The following PDE2A variants were observed in gnomAD, a reference collection of about 807,000 sequenced individuals.
PDE2A encodes the protein cGMP-dependent 3',5'-cyclic phosphodiesterase.
A neutral mutation model predicts 133.6 loss-of-function variants in PDE2A; 53 were observed. The ratio of observed to expected loss-of-function variants is 0.40; its 90% CI spans 0.32 to 0.50. The LOEUF (loss-of-function observed/expected upper bound fraction) is 0.50, where lower values mean the gene tolerates loss of function less well. Among genes scored for constraint, PDE2A ranks in the 20% least tolerant of loss-of-function variants. The pLI is 0.73. For synonymous variants in PDE2A, 491 were observed against 490.2 expected (o/e 1.00, Z -0.02); for missense variants, 796 against 1,232.4 (o/e 0.65, Z 5.30).
chr11:72,647,017 C>T (rs962259292), intron 1 of PDE2A, among the ~76,000 whole-genome samples: 1 of 152,158 alleles, frequency 6.6e-6, no homozygotes, highest in Non-Finnish European at 1.5e-5. Flanking sequence ...TCACCTATCC[C>T]CAGCCCTCCC....
At chr11:72,605,260 G>C (rs1309101546) in intron 3 of PDE2A, 34 bp from the exon 4 acceptor site, 37 of 1,431,240 alleles carry the variant, frequency 2.6e-5, no homozygotes, top group Non-Finnish European at 3.4e-5. Context: ...ACCCTGTGGA[G>C]AGGCCCTCCC....
chr11:72,595,715 G>A (rs908583492), intron 6 of PDE2A, among the ~76,000 whole-genome samples: 13 of 151,974 alleles, frequency 8.6e-5, no homozygotes, highest in Non-Finnish European at 1.3e-4. Context: ...CAGCCCCCTC[G>A]ACAGAAGCAG....
chr11:72,632,931 A>T (rs1047406796), intron 2 of PDE2A, among the ~76,000 whole-genome samples: 5 of 152,008 alleles, frequency 3.3e-5, no homozygotes, highest in African/African-American at 1.2e-4. Context: ...AGTGCCTAGG[A>T]TGAGGGGATT....
At chr11:72,635,624 C>T (rs933256754) in intron 2 of PDE2A, among the ~76,000 whole-genome samples, 1 of 152,210 alleles carries the variant, frequency 6.6e-6, no homozygotes, top group Non-Finnish European at 1.5e-5. Context: ...TCCAGATTCT[C>T]AAAATCCTAT....
In PDE2A at chr11:72,590,362, C is replaced by G; in HGVS notation, c.703+65G>C. 2 of 1,545,284 alleles carry G rather than the reference C, an allele frequency of 1.3e-6. No individual in the cohort carries two copies. The highest frequency in any genetic ancestry group is 3.9e-5 in the Admixed American group (2 of 51,138). ...CGCCGGCTCCCGGGATCGCCTAACC[C>G]GCCCACCTCCCCTCCAAGTTCTGCC... On this transcript the variant is annotated intron_variant, in intron 8 of 30. Coordinates refer to ENST00000334456, the MANE Select transcript of PDE2A (RefSeq NM_002599.5). The surrounding 1 kb of genome is among the most constrained non-coding windows in gnomAD (Gnocchi z 4.8).
intron 2 of PDE2A, among the ~76,000 whole-genome samples, chr11:72,638,357 G>T (rs1366116931): frequency 2.6e-5 from 4 of 152,212 alleles, no homozygotes; most frequent in Admixed American, 2.6e-4. Context: ...GTCACTTGAT[G>T]ATAGGTGTGA....
At chr11:72,631,517 T>C (rs1027728044) in intron 2 of PDE2A, among the ~76,000 whole-genome samples, 9 of 152,318 alleles carry the variant, frequency 5.9e-5, no homozygotes, top group African/African-American at 2.2e-4. Flanking sequence ...GGATCCGTAA[T>C]GTCCACCTCA....
intron 26 of PDE2A, 26 bp downstream of exon 26, chr11:72,579,508 C>CCCCA: frequency 8.0e-7 from 1 of 1,243,456 alleles, no homozygotes; most frequent in Non-Finnish European, 1.2e-6. Context: ...CCCCCTCAAT[C>CCCCA]CCCACCCCAC....
At chr11:72,652,676 CA>C (rs775530670) in intron 1 of PDE2A, 4 of 456,150 alleles carry the variant, frequency 8.8e-6, no homozygotes, top group South Asian at 3.1e-5. Flanking sequence ...CCCAATTTTA[CA>C]GTTGATGAAA....
rs1855454242 is a variant in PDE2A at position 72,674,313 on chromosome 11, A to G, written c.-106T>C. The G allele has an allele frequency of 7.1e-6, 8 of 1,124,398 alleles. No individual in the cohort carries two copies. Among genetic ancestry groups the G allele is most frequent in the Non-Finnish European group, 1.0e-5 (8 of 785,558 alleles). 69.7% of individuals were successfully genotyped at this position (1,124,398 alleles called of 1,614,324 possible). A position where few individuals can be genotyped will look rare whatever the true frequency, so the allele number is the denominator to read the frequency against. On this transcript the variant is annotated 5_prime_UTR_variant, in exon 1 of 31. Transcript: ENST00000334456. Reference sequence around the variant, plus strand: ...ACCCCCAGCAGGCACAGGGACCAAGAGCAGTGGGCTGCCCCCTACTCAGCC... The same window carrying G: ...ACCCCCAGCAGGCACAGGGACCAAGGGCAGTGGGCTGCCCCCTACTCAGCC...
In PDE2A at chr11:72,597,722, A is replaced by T; in HGVS notation, c.324-103T>A. The stretch of plus-strand genomic sequence containing the variant: ...GTTTGGACCCTGCACATGTGCAAGG[A>T]TCTGGGCAAGCTGACCTGCCTCAGG... On this transcript the variant is annotated intron_variant, in intron 4 of 30. Transcript: ENST00000334456. This position sits in a 1 kb window ranked among gnomAD's most constrained non-coding sequence, Gnocchi z 4.6. 1 of 736,760 alleles carries T rather than the reference A, an allele frequency of 1.4e-6. No individual in the cohort carries two copies. 45.6% of individuals were successfully genotyped at this position (736,760 alleles called of 1,614,324 possible).
intron 1 of PDE2A, among the ~76,000 whole-genome samples, chr11:72,663,238 C>T (rs900003625): frequency 3.3e-5 from 5 of 152,116 alleles, no homozygotes; most frequent in African/African-American, 9.7e-5. Flanking sequence ...ACCAGGGCAC[C>T]CTCAAGGCCA....
chr11:72,614,508 A>T (rs932161122), intron 2 of PDE2A, among the ~76,000 whole-genome samples: 1 of 152,054 alleles, frequency 6.6e-6, no homozygotes, highest in African/African-American at 2.4e-5. Context: ...CCCAATTTTC[A>T]TGTGCACCAG....
At chr11:72,663,077 G>A (rs1412525489) in intron 1 of PDE2A, among the ~76,000 whole-genome samples, 1 of 152,070 alleles carries the variant, frequency 6.6e-6, no homozygotes, top group Non-Finnish European at 1.5e-5. Context: ...ACCCAGCATC[G>A]CCTCCTCAGG....
intron 1 of PDE2A, among the ~76,000 whole-genome samples, chr11:72,649,991 C>G (rs1337580835): frequency 1.3e-5 from 2 of 151,714 alleles, no homozygotes; most frequent in African/African-American, 4.8e-5. Context: ...CCTCAGGAAC[C>G]TGGAGCAGTG....
chr11:72,581,119 C>A, intron 23 of PDE2A, 146 bp from the exon 24 acceptor site: 1 of 736,760 alleles, frequency 1.4e-6, no homozygotes, highest in Non-Finnish European at 2.3e-6. Flanking sequence ...TGGAAAGAAG[C>A]ACTGGTTTGG....
intron 4 of PDE2A, among the ~76,000 whole-genome samples, chr11:72,602,643 A>C (rs1043860197): frequency 6.6e-6 from 1 of 152,216 alleles, no homozygotes; most frequent in African/African-American, 2.4e-5. Flanking sequence ...AAGGTCACTC[A>C]AGGCTAATCA....
At chr11:72,581,659 C>T (rs909943780) in intron 22 of PDE2A, among the ~76,000 whole-genome samples, 180 bp from the exon 23 acceptor site, 8 of 152,214 alleles carry the variant, frequency 5.3e-5, no homozygotes, top group South Asian at 2.1e-4. Flanking sequence ...TACACACTCT[C>T]GGCCTTGCCT....
At chr11:72,583,700 G>A (rs1028007569) in intron 19 of PDE2A, 185 bp from the exon 20 acceptor site, 32 of 590,324 alleles carry the variant, frequency 5.4e-5, no homozygotes, top group Middle Eastern at 4.5e-4. Flanking sequence ...ACCCCGCGCC[G>A]GTTCCTCCTC....
Sources: gnomAD v4.1 joint callset for allele counts (sites outside exome capture counted in the v4.1 genomes callset) on GRCh38, gnomAD v4.1.1 for gene constraint, Gnocchi (gnomAD v3.1) non-coding constraint, MANE v1.5 for transcripts, NCBI Gene and HGNC (gene_info 2026-07-23, HGNC 2026-07-21) for gene names.